Variants in DGKI observed in about 807,000 individuals in gnomAD.
DGKI encodes the protein DAG kinase iota.
Under a neutral mutation model 147.5 loss-of-function variants are expected in DGKI, and 55 were observed. The ratio of observed to expected loss-of-function variants is 0.37; its 90% CI spans 0.30 to 0.47. DGKI has a LOEUF of 0.47. DGKI is among the 20% of genes least tolerant of loss of function. The probability of loss-of-function intolerance (pLI) is 1.00; values close to 1 mark genes in which losing one functional copy is unlikely to be tolerated. For synonymous variants in DGKI, 469 were observed against 477.1 expected (o/e 0.98, Z 0.22); for missense variants, 1,007 against 1,323.8 (o/e 0.76, Z 3.71).
chr7:137,582,513 T>C (rs145376321), intron 14 of DGKI, among the ~76,000 whole-genome samples: 260 of 152,056 alleles, frequency 1.7e-3, no homozygotes, highest in Non-Finnish European at 3.0e-3. Context: ...TGTGACCCAT[T>C]GGTTATTGCT....
chr7:137,537,035 C>G (rs1458926540), intron 20 of DGKI, among the ~76,000 whole-genome samples: 1 of 152,150 alleles, frequency 6.6e-6, no homozygotes, highest in Non-Finnish European at 1.5e-5. Flanking sequence ...TTGGAATTGT[C>G]CATTGCAGAT....
At chr7:137,796,959 G>A (rs1030918964) in intron 1 of DGKI, among the ~76,000 whole-genome samples, 5 of 152,132 alleles carry the variant, frequency 3.3e-5, no homozygotes, top group African/African-American at 1.2e-4. Context: ...CATCTAAGAA[G>A]CACAATGAAT....
At chr7:137,529,348 T>G (rs1585202152) in intron 20 of DGKI, among the ~76,000 whole-genome samples, 2 of 148,164 alleles carry the variant, frequency 1.3e-5, no homozygotes. Context: ...ATAAAAAAAA[T>G]CTATGCTTTT....
chr7:137,783,843 G>A (rs1005393392), intron 1 of DGKI, among the ~76,000 whole-genome samples: 1 of 152,160 alleles, frequency 6.6e-6, no homozygotes, highest in Non-Finnish European at 1.5e-5. Flanking sequence ...AAGCAAAACA[G>A]TTACCAGCCA....
chr7:137,670,378 C>T (rs1338567680), intron 3 of DGKI, among the ~76,000 whole-genome samples: 2 of 152,178 alleles, frequency 1.3e-5, no homozygotes, highest in African/African-American at 2.4e-5. Context: ...CAAATTATAA[C>T]GATCCCCATG....
At chr7:137,740,520 A>C (rs1251153296) in intron 1 of DGKI, among the ~76,000 whole-genome samples, 2 of 152,176 alleles carry the variant, frequency 1.3e-5, no homozygotes, top group East Asian at 1.9e-4. Context: ...CACCACAGTC[A>C]CACTTCCCTA....
chr7:137,481,043 G>C (rs1563045403), intron 23 of DGKI, among the ~76,000 whole-genome samples: 1 of 151,834 alleles, frequency 6.6e-6, no homozygotes, highest in Non-Finnish European at 1.5e-5. Flanking sequence ...TTTATGTACT[G>C]AGAACCGTCA....
chr7:137,484,472 T>A (rs1815482750), intron 23 of DGKI, among the ~76,000 whole-genome samples: 1 of 152,018 alleles, frequency 6.6e-6, no homozygotes, highest in Admixed American at 6.6e-5. Context: ...ATTGTTGGCA[T>A]GCTGTGATTC....
intron 1 of DGKI, among the ~76,000 whole-genome samples, chr7:137,780,977 T>G (rs1796501120): frequency 6.6e-6 from 1 of 152,182 alleles, no homozygotes; most frequent in Non-Finnish European, 1.5e-5. Flanking sequence ...TTCACATCTG[T>G]CCTCAGCAGT....
chr7:137,509,320 T>G (rs1816495896), intron 21 of DGKI, among the ~76,000 whole-genome samples: 1 of 151,708 alleles, frequency 6.6e-6, no homozygotes, highest in Non-Finnish European at 1.5e-5. Context: ...GGAGGATGAG[T>G]GAGGAAGCGA....
At chr7:137,700,577 GTAAAAAA>G (rs1327633813) in intron 1 of DGKI, among the ~76,000 whole-genome samples, 1 of 152,078 alleles carries the variant, frequency 6.6e-6, no homozygotes, top group Non-Finnish European at 1.5e-5. Context: ...TTAGTGCTAG[GTAAAAAA>G]TAAAGTGCCA....
intron 10 of DGKI, among the ~76,000 whole-genome samples, chr7:137,602,824 A>G (rs574843419): frequency 2.0e-5 from 3 of 152,078 alleles, no homozygotes; most frequent in Non-Finnish European, 4.4e-5. Context: ...GCACTCTCAT[A>G]GTTATCACAT....
At chr7:137,639,803 G>A (rs1821556657) in intron 6 of DGKI, among the ~76,000 whole-genome samples, 1 of 152,124 alleles carries the variant, frequency 6.6e-6, no homozygotes, top group South Asian at 2.1e-4. Context: ...GGGGACTGCA[G>A]CAAGGACCCT....
At chr7:137,550,329 C>A (rs1467148012) in intron 20 of DGKI, among the ~76,000 whole-genome samples, 1 of 151,992 alleles carries the variant, frequency 6.6e-6, no homozygotes, top group Non-Finnish European at 1.5e-5. Flanking sequence ...GCGCATGCCA[C>A]CACACCTGTC....
chr7:137,813,813 G>T (rs1310919700), intron 1 of DGKI, among the ~76,000 whole-genome samples: 1 of 152,160 alleles, frequency 6.6e-6, no homozygotes, highest in Non-Finnish European at 1.5e-5. Flanking sequence ...TGAATTTCAA[G>T]CTGCATTTAG....
rs528507563 is a variant in DGKI, at chr7:137,425,490, G to A, written c.2762-13283C>T. 1.3e-3 allele frequency among the ~76,000 whole-genome samples: 201 copies of A among 152,310 alleles called. 1 individual carries two copies. Among genetic ancestry groups the A allele is most frequent in the African/African-American group, 4.3e-3 (180 of 41,574 alleles). On this transcript the variant is annotated intron_variant, in intron 28 of 32. Transcript: ENST00000614521. ...GACTGGAAACTCTAAAAAGCAGAGC[G>A]CCTCTCCTCCTCCAAAGGAATGCAG...
chr7:137,425,060 G>A (rs943764270), intron 28 of DGKI, among the ~76,000 whole-genome samples: 16 of 152,188 alleles, frequency 1.1e-4, no homozygotes, highest in African/African-American at 3.9e-4. Context: ...CATGCAGCTG[G>A]AGATCTGAGA....
intron 25 of DGKI, 86 bp from the exon 26 acceptor site, chr7:137,466,121 T>C (rs1313141369): frequency 2.0e-6 from 3 of 1,485,252 alleles, no homozygotes; most frequent in Non-Finnish European, 2.8e-6. Flanking sequence ...CTGCAACGTG[T>C]CAAAGGATCA....
At chr7:137,622,871 T>C (rs1820799228) in intron 7 of DGKI, among the ~76,000 whole-genome samples, 1 of 152,102 alleles carries the variant, frequency 6.6e-6, no homozygotes, top group Non-Finnish European at 1.5e-5. Flanking sequence ...GAAAAATAAA[T>C]AGGGACATTA....
Sources: allele counts gnomAD v4.1 joint callset (sites outside exome capture counted in the v4.1 genomes callset), GRCh38; gene constraint gnomAD v4.1.1; transcripts MANE v1.5; gene names NCBI Gene and HGNC (gene_info 2026-07-23, HGNC 2026-07-21).